The following KHDRBS2 variants were observed in gnomAD, a reference collection of about 807,000 sequenced individuals.
The protein encoded by KHDRBS2 is KH domain-containing, RNA-binding, signal transduction-associated protein 2.
A neutral mutation model predicts 44.3 loss-of-function variants in KHDRBS2; 26 were observed. That is an observed-to-expected ratio of 0.59 (90% CI 0.43 to 0.81). The LOEUF is 0.81. Among genes scored for constraint, KHDRBS2 ranks in the 40% least tolerant of loss-of-function variants. KHDRBS2 has a pLI of 0.00. For synonymous variants in KHDRBS2, 194 were observed against 151.1 expected, an observed-to-expected ratio of 1.28 and a Z score of -2.08; for missense variants, 476 against 433.1, an observed-to-expected ratio of 1.10 and a Z score of -0.88.
intron 7 of KHDRBS2, among the ~76,000 whole-genome samples, chr6:61,713,889 C>T (rs923949608): frequency 3.3e-5 from 5 of 151,590 alleles, no homozygotes; most frequent in Non-Finnish European, 5.9e-5. Flanking sequence ...GTACTAAAGC[C>T]AACTCAAGAT....
intron 2 of KHDRBS2, among the ~76,000 whole-genome samples, chr6:62,115,236 A>C (rs1414959565): frequency 6.6e-6 from 1 of 152,194 alleles, no homozygotes; most frequent in East Asian, 1.9e-4. Context: ...TAAGTTTTAT[A>C]GTAACAGTAT....
At chr6:62,016,698 G>C (rs1369752841) in intron 3 of KHDRBS2, among the ~76,000 whole-genome samples, 1 of 151,190 alleles carries the variant, frequency 6.6e-6, no homozygotes, top group Non-Finnish European at 1.5e-5. Flanking sequence ...AAGTATTTAA[G>C]ATCTGGTACA....
At chr6:62,060,936 G>A (rs893072562) in intron 2 of KHDRBS2, among the ~76,000 whole-genome samples, 6 of 151,772 alleles carry the variant, frequency 4.0e-5, no homozygotes, top group African/African-American at 1.5e-4. Flanking sequence ...TTTACAGAAT[G>A]ATCCATGTTT....
intron 6 of KHDRBS2, among the ~76,000 whole-genome samples, chr6:61,831,269 A>C (rs1347222765): frequency 6.6e-6 from 1 of 152,144 alleles, no homozygotes; most frequent in South Asian, 2.1e-4. Context: ...TATGGACTAA[A>C]AAACCACAAA....
intron 6 of KHDRBS2, among the ~76,000 whole-genome samples, chr6:61,892,628 C>A (rs1400663724): frequency 6.6e-6 from 1 of 152,124 alleles, no homozygotes; most frequent in South Asian, 2.1e-4. Context: ...CTTTGACAAA[C>A]CTGAGAAAAA....
intron 4 of KHDRBS2, among the ~76,000 whole-genome samples, chr6:61,939,954 T>C (rs111526864): frequency 0.011 from 1,645 of 152,264 alleles, 13 homozygotes; most frequent in Middle Eastern, 0.02. Context: ...AATGTACCCT[T>C]TTTTTCTTGT....
chr6:62,164,144 T>C (rs1818206497), intron 2 of KHDRBS2, among the ~76,000 whole-genome samples: 1 of 151,908 alleles, frequency 6.6e-6, no homozygotes, highest in African/African-American at 2.4e-5. Flanking sequence ...TAAGATATGA[T>C]ATGCTTAAAT....
intron 3 of KHDRBS2, among the ~76,000 whole-genome samples, chr6:62,042,487 G>A (rs1384510027): frequency 6.6e-6 from 1 of 152,020 alleles, no homozygotes; most frequent in Non-Finnish European, 1.5e-5. Context: ...AACTGCTTTG[G>A]TGTTCAAGAT....
At chr6:62,018,384 G>A (rs561656952) in intron 3 of KHDRBS2, among the ~76,000 whole-genome samples, 26 of 151,208 alleles carry the variant, frequency 1.7e-4, no homozygotes, top group African/African-American at 6.1e-4. Context: ...AAAGTCATCA[G>A]TTATCAAAAC....
intron 3 of KHDRBS2, among the ~76,000 whole-genome samples, chr6:61,996,374 A>C (rs2127254324): frequency 6.6e-6 from 1 of 152,344 alleles, no homozygotes; most frequent in Middle Eastern, 3.4e-3. Context: ...AGAGACAAAT[A>C]GAAAAATAAA....
intron 1 of KHDRBS2, among the ~76,000 whole-genome samples, chr6:62,256,183 G>C (rs1837370207): frequency 6.6e-6 from 1 of 151,796 alleles, no homozygotes; most frequent in South Asian, 2.1e-4. Flanking sequence ...TCAGCATTAG[G>C]GAAATATTTT....
intron 2 of KHDRBS2, among the ~76,000 whole-genome samples, chr6:62,089,744 A>G (rs1385865748): frequency 2.0e-5 from 3 of 152,230 alleles, no homozygotes; most frequent in South Asian, 2.1e-4. Flanking sequence ...CTGTCTTATA[A>G]TTATTCATTA....
At chr6:61,613,075 A>G in the KHDRBS2 span, among the ~76,000 whole-genome samples, 1 of 152,042 alleles carries the variant, frequency 6.6e-6, no homozygotes, top group African/African-American at 2.4e-5. Flanking sequence ...GATGGTCTCC[A>G]TCTCCTGACC....
chr6:61,845,474 TA>T (rs1794263781), intron 6 of KHDRBS2, among the ~76,000 whole-genome samples: 2 of 152,172 alleles, frequency 1.3e-5, no homozygotes, highest in South Asian at 4.1e-4. Flanking sequence ...TACGCCCAGC[TA>T]ATTTTTGTAT....
rs1766195331 is a variant in KHDRBS2, at chr6:61,680,630, G to C, written c.*333C>G. The stretch of plus-strand genomic sequence containing the variant: ...ACTCAAAATCTGTTAACAAATTCAT[G>C]CTTTTCCTCAAAAAAAAAAAAAAGA... On this transcript the variant is annotated 3_prime_UTR_variant, in exon 9 of 9. Transcript: ENST00000281156. The C allele has an allele frequency of 7.4e-6, 1 of 135,604 alleles. No homozygotes were observed. Among genetic ancestry groups the C allele is most frequent in the African/African-American group, 3.2e-5 (1 of 31,432 alleles). 8.4% of individuals were successfully genotyped at this position (135,604 alleles called of 1,614,324 possible). A position where few individuals can be genotyped will look rare whatever the true frequency, so the allele number is the denominator to read the frequency against.
intron 1 of KHDRBS2, among the ~76,000 whole-genome samples, chr6:62,242,964 G>A (rs1359972963): frequency 1.4e-4 from 22 of 152,146 alleles, no homozygotes. Context: ...AAGTAACAGT[G>A]TGTGTACTCA....
At chr6:61,615,632 T>C in the KHDRBS2 span, among the ~76,000 whole-genome samples, 3 of 152,194 alleles carry the variant, frequency 2.0e-5, no homozygotes, top group African/African-American at 7.2e-5. Flanking sequence ...AATTTGAAAA[T>C]GTAAAATCCA....
intron 2 of KHDRBS2, among the ~76,000 whole-genome samples, chr6:62,106,168 T>C (rs940604375): frequency 2.0e-5 from 3 of 152,200 alleles, no homozygotes; most frequent in African/African-American, 7.2e-5. Context: ...TCTGTTCTTT[T>C]ACATTTGCTG....
intron 1 of KHDRBS2, among the ~76,000 whole-genome samples, chr6:62,191,718 A>C (rs1010992365): frequency 6.6e-6 from 1 of 152,078 alleles, no homozygotes; most frequent in African/African-American, 2.4e-5. Flanking sequence ...CACGGCTCTC[A>C]ACACAATGAT....
Sources: allele counts gnomAD v4.1 joint callset (sites outside exome capture counted in the v4.1 genomes callset), GRCh38; gene constraint gnomAD v4.1.1; transcripts MANE v1.5; gene names NCBI Gene and HGNC (gene_info 2026-07-23, HGNC 2026-07-21).